The following RRBP1 variants were observed in gnomAD, a reference collection of about 807,000 sequenced individuals.
The protein encoded by RRBP1 is ribosome-binding protein 1.
RRBP1 carries 94 observed loss-of-function variants against 165.2 expected under a neutral mutation model. That is an observed-to-expected ratio of 0.57 (90% CI 0.48 to 0.68). The LOEUF (loss-of-function observed/expected upper bound fraction) is 0.68. RRBP1 is among the 30% of genes least tolerant of loss of function. RRBP1 has a pLI of 0.00. For missense variants in RRBP1, 1,676 were observed against 1,763.0 expected (o/e 0.95, Z 0.88); for synonymous variants, 680 against 714.5 (o/e 0.95, Z 0.77).
At chr20:17,678,363 T>TA (rs1412330752) in intron 2 of RRBP1, among the ~76,000 whole-genome samples, 5 of 152,202 alleles carry the variant, frequency 3.3e-5, no homozygotes, top group African/African-American at 1.2e-4. Flanking sequence ...GGGCATTGGG[T>TA]AAAAAATCTC....
At position 17,658,945 on chromosome 20, in the gene RRBP1, C is replaced by T. The variant is rs763578339; in HGVS notation, c.1563G>A (p.Lys521=). 1 of 1,612,942 alleles carries T rather than the reference C, an allele frequency of 6.2e-7. No homozygotes were observed. The highest frequency in any genetic ancestry group is 8.5e-7 in the Non-Finnish European group (1 of 1,179,840). ...KGEGAQNQGK[K]TEGAQGKKAE... ...CCTTTTTGCCCTGAGCCCCTTCTGT[C>T]TTTTTACCCTGATTCTGGGCTCCCT... The change falls in exon 3 of 25, where the codon AAG becomes AAA. Residue 521 remains lysine (K), a synonymous_variant. Transcript: ENST00000377813.
At chr20:17,681,776 C>A (rs542108074) in intron 1 of RRBP1, among the ~76,000 whole-genome samples, 61 of 150,632 alleles carry the variant, frequency 4.0e-4, no homozygotes, top group Middle Eastern at 3.4e-3. Context: ...CCCCGGACGG[C>A]GAGGGCCGCG....
chr20:17,660,730 A>G (rs186706698), intron 2 of RRBP1, among the ~76,000 whole-genome samples: 2 of 152,336 alleles, frequency 1.3e-5, no homozygotes, highest in East Asian at 1.9e-4. Context: ...TACCCAAGGC[A>G]TGAGCAGTCC....
intron 8 of RRBP1, among the ~76,000 whole-genome samples, chr20:17,631,021 G>A (rs1483269525): frequency 6.6e-6 from 1 of 152,254 alleles, no homozygotes; most frequent in Non-Finnish European, 1.5e-5. Flanking sequence ...CCACTAGGCC[G>A]TGGTTCACGT....
chr20:17,641,977 TG>T (rs898968912), intron 4 of RRBP1, 58 bp from the exon 5 acceptor site: 2 of 1,571,282 alleles, frequency 1.3e-6, no homozygotes, highest in African/African-American at 2.7e-5. Context: ...GCTCATCCCC[TG>T]ACCCCGGACA....
At chr20:17,666,632 T>C (rs1464653573) in intron 2 of RRBP1, among the ~76,000 whole-genome samples, 1 of 152,238 alleles carries the variant, frequency 6.6e-6, no homozygotes, top group African/African-American at 2.4e-5. Flanking sequence ...TTCCAAACCA[T>C]ATGATCTCAT....
intron 3 of RRBP1, among the ~76,000 whole-genome samples, chr20:17,656,738 T>A (rs112734197): frequency 9.9e-5 from 15 of 152,232 alleles, no homozygotes; most frequent in Non-Finnish European, 1.8e-4. Flanking sequence ...TTTGGAATAA[T>A]CCGTCAAGTT....
At chr20:17,628,475 T>C (rs1209747876) in intron 9 of RRBP1, among the ~76,000 whole-genome samples, 2 of 152,102 alleles carry the variant, frequency 1.3e-5, no homozygotes, top group Admixed American at 6.6e-5. Context: ...TCATCCCTGG[T>C]CTCCATGGGC....
At chr20:17,626,403 C>A (rs1444538688) in intron 11 of RRBP1, among the ~76,000 whole-genome samples, 1 of 152,166 alleles carries the variant, frequency 6.6e-6, no homozygotes, top group Non-Finnish European at 1.5e-5. Context: ...TCATTCTGGG[C>A]CCTCAGGGCA....
At chr20:17,614,972 A>G (rs1600720903) in intron 23 of RRBP1, 92 bp from the exon 24 acceptor site, 7 of 1,439,996 alleles carry the variant, frequency 4.9e-6, no homozygotes, top group Non-Finnish European at 6.7e-6. Flanking sequence ...CAGGGGCTGG[A>G]GCCCTCTGGG....
In RRBP1 at chr20:17,639,894, C is replaced by CAA. The variant is rs11476981; in HGVS notation, c.2184+1901_2184+1902dup. 1.8e-4 allele frequency among the ~76,000 whole-genome samples: 18 copies of CAA among 98,754 alleles called. 1 individual carries two copies. The highest frequency in any genetic ancestry group is 6.3e-4 in the African/African-American group (16 of 25,390). The allele number at this position is 98,754 out of a possible 152,430, so 64.8% of individuals were successfully genotyped here. ...GGCAATAACAGTGAAACTCCAGTCT[C>CAA]AAAAAAAAAAAAAAAAAAAAGAATA... is the stretch of plus-strand genomic sequence containing the variant. On this transcript the variant is annotated intron_variant, in intron 5 of 24. Transcript: ENST00000377813.
At chr20:17,636,145 G>A (rs764099364) in intron 6 of RRBP1, among the ~76,000 whole-genome samples, 8 of 152,262 alleles carry the variant, frequency 5.3e-5, no homozygotes, top group Non-Finnish European at 7.3e-5. Context: ...AGTCTGGGCA[G>A]CCGCCCAGTG....
chr20:17,653,446 G>A (rs573361445), intron 3 of RRBP1, among the ~76,000 whole-genome samples: 1 of 152,360 alleles, frequency 6.6e-6, no homozygotes, highest in African/African-American at 2.4e-5. Context: ...CCTGGAGCCC[G>A]TCAGCTGCAA....
In RRBP1 at chr20:17,643,180, C is replaced by T. The variant is rs763479339; in HGVS notation, c.1913-53G>A. On this transcript the variant is annotated intron_variant, in intron 3 of 24. Transcript: ENST00000377813. This position sits in a 1 kb window ranked among gnomAD's most constrained non-coding sequence, Gnocchi z 4.3. ...ACTTAGGCCCATAAGCCACAACACA[C>T]GTGGCCACAATGCCCATCACACCAA... 58 of 1,580,426 alleles carry T rather than the reference C, an allele frequency of 3.7e-5. No individual in the cohort carries two copies. The highest frequency in any genetic ancestry group is 6.8e-5 in the Admixed American group (4 of 58,442).
At chr20:17,631,037 G>C (rs772132522) in intron 8 of RRBP1, among the ~76,000 whole-genome samples, 1 of 152,244 alleles carries the variant, frequency 6.6e-6, no homozygotes, top group African/African-American at 2.4e-5. Flanking sequence ...CACGTGTACT[G>C]TGCAGTGAAA....
intron 2 of RRBP1, among the ~76,000 whole-genome samples, chr20:17,663,679 T>A (rs1238826098): frequency 1.3e-5 from 2 of 152,250 alleles, no homozygotes; most frequent in African/African-American, 4.8e-5. Flanking sequence ...AACATCATGC[T>A]GGGAGATCCC....
intron 2 of RRBP1, among the ~76,000 whole-genome samples, chr20:17,661,888 C>T (rs1487006145): frequency 2.6e-5 from 4 of 152,128 alleles, no homozygotes; most frequent in South Asian, 2.1e-4. Flanking sequence ...GGAATCAAAT[C>T]CAAATTTTGA....
chr20:17,636,843 C>A (rs1397889066), intron 5 of RRBP1, 114 bp from the exon 6 acceptor site: 9 of 1,307,352 alleles, frequency 6.9e-6, no homozygotes, highest in Non-Finnish European at 9.5e-6. Context: ...GCACAGACCC[C>A]TCCTGCTGGC....
At chr20:17,650,264 C>T (rs1475656283) in intron 3 of RRBP1, among the ~76,000 whole-genome samples, 1 of 152,132 alleles carries the variant, frequency 6.6e-6, no homozygotes, top group African/African-American at 2.4e-5. Flanking sequence ...CCTCTTTTTC[C>T]CACATGGACT....
Sources: allele counts gnomAD v4.1 joint callset (sites outside exome capture counted in the v4.1 genomes callset), GRCh38; gene constraint gnomAD v4.1.1; non-coding constraint Gnocchi (gnomAD v3.1); transcripts MANE v1.5; gene names NCBI Gene and HGNC (gene_info 2026-07-23, HGNC 2026-07-21).